The following DNER variants were observed in gnomAD, a reference collection of about 807,000 sequenced individuals.
The protein encoded by DNER is delta/notch like EGF repeat containing, also known as delta and Notch-like epidermal growth factor-related receptor.
Under a neutral mutation model 78.2 loss-of-function variants are expected in DNER, and 33 were observed. That is an observed-to-expected ratio of 0.42 (90% CI 0.32 to 0.56). DNER has a LOEUF of 0.56. Ranked by LOEUF, DNER falls within the 20% of genes least tolerant of loss-of-function variation. The probability of loss-of-function intolerance (pLI) is 0.11; values close to 1 mark genes in which losing one functional copy is unlikely to be tolerated. For missense variants in DNER, 918 were observed against 975.3 expected, an observed-to-expected ratio of 0.94 and a Z score of 0.78; for synonymous variants, 417 against 384.8, an observed-to-expected ratio of 1.08 and a Z score of -0.98.
At chr2:229,637,779 A>G (rs2154215938) in intron 1 of DNER, among the ~76,000 whole-genome samples, 2 of 152,308 alleles carry the variant, frequency 1.3e-5, no homozygotes, top group Middle Eastern at 6.8e-3. Context: ...CCACTGCTCT[A>G]AGGAAAAAGC....
At chr2:229,429,684 C>T (rs563769493) in intron 8 of DNER, among the ~76,000 whole-genome samples, 24 of 152,294 alleles carry the variant, frequency 1.6e-4, no homozygotes, top group Admixed American at 3.3e-4. Flanking sequence ...CAGCAAAGAC[C>T]GCTTACTAGA....
At chr2:229,440,117 T>G (rs1247539375) in intron 8 of DNER, among the ~76,000 whole-genome samples, 1 of 152,176 alleles carries the variant, frequency 6.6e-6, no homozygotes, top group Non-Finnish European at 1.5e-5. Context: ...ATCAGGAATC[T>G]CATAAAAATT....
chr2:229,528,657 C>T (rs187219937), intron 5 of DNER, among the ~76,000 whole-genome samples: 3 of 152,152 alleles, frequency 2.0e-5, no homozygotes, highest in Admixed American at 6.6e-5. Context: ...TATGGAAGCC[C>T]ATGCTGACAT....
At chr2:229,398,217 T>C (rs955538108) in intron 10 of DNER, among the ~76,000 whole-genome samples, 1 of 152,096 alleles carries the variant, frequency 6.6e-6, no homozygotes, top group Non-Finnish European at 1.5e-5. Context: ...GTCAAAAGGA[T>C]AACAGAAATA....
chr2:229,699,965 G>T (rs918946615), intron 1 of DNER, among the ~76,000 whole-genome samples: 1 of 151,860 alleles, frequency 6.6e-6, no homozygotes, highest in Non-Finnish European at 1.5e-5. Flanking sequence ...AAAGGACAAA[G>T]GGCGAATTTA....
chr2:229,589,021 G>A lies in DNER; in HGVS notation c.586-533C>T, dbSNP rs140996756. 1.0e-3 allele frequency among the ~76,000 whole-genome samples: 156 copies of A among 152,296 alleles called. 1 individual carries two copies. Among genetic ancestry groups the A allele is most frequent in the African/African-American group, 3.4e-3 (143 of 41,560 alleles). On this transcript the variant is annotated intron_variant, in intron 2 of 12. Transcript: ENST00000341772. ...TTGAACGCTGCCTTTCTTTTTCCTT[G>A]TAGGCTATACCTTCGCTTTTAAATT... is the stretch of plus-strand genomic sequence containing the variant.
Position 229,606,035 on chromosome 2 carries a change from T to A in DNER, c.277-14147A>T, listed in dbSNP as rs531807621. ...AGGCCCTTCTCCGGTGGAAAAAAAA[T>A]TAGATAAAATTAAAAATGCTTTCAT... On this transcript the variant is annotated intron_variant, in intron 1 of 12. Coordinates refer to ENST00000341772, the MANE Select transcript of DNER (RefSeq NM_139072.4). Among the ~76,000 whole-genome samples, 22 of 152,098 alleles carry A rather than the reference T, an allele frequency of 1.4e-4. No homozygotes were observed. In the South Asian group the frequency reaches 3.7e-3, roughly 26 times the overall value.
intron 5 of DNER, among the ~76,000 whole-genome samples, chr2:229,513,809 G>A (rs950392210): frequency 6.6e-6 from 1 of 152,060 alleles, no homozygotes; most frequent in East Asian, 1.9e-4. Flanking sequence ...AAAGCCCCTT[G>A]CCCAGCTCAT....
At chr2:229,476,458 A>G (rs535112813) in intron 7 of DNER, among the ~76,000 whole-genome samples, 1 of 152,172 alleles carries the variant, frequency 6.6e-6, no homozygotes, top group African/African-American at 2.4e-5. Flanking sequence ...ATGTGACTCT[A>G]TGTAGTTGTC....
At chr2:229,383,030 C>A (rs1692779845) in intron 11 of DNER, among the ~76,000 whole-genome samples, 1 of 152,118 alleles carries the variant, frequency 6.6e-6, no homozygotes, top group South Asian at 2.1e-4. Flanking sequence ...GGGTTACCCA[C>A]AAAAGGAAGC....
chr2:229,615,922 G>A (rs192558437), intron 1 of DNER, among the ~76,000 whole-genome samples: 95 of 152,298 alleles, frequency 6.2e-4, no homozygotes, highest in Non-Finnish European at 1.1e-3. Flanking sequence ...CCTGCATGTA[G>A]GAATCTGAAT....
chr2:229,456,054 C>G (rs1300751441), intron 7 of DNER, among the ~76,000 whole-genome samples: 2 of 151,978 alleles, frequency 1.3e-5, no homozygotes, highest in Non-Finnish European at 2.9e-5. Flanking sequence ...CAAAGGGATA[C>G]CTGAGACTGG....
intron 7 of DNER, among the ~76,000 whole-genome samples, chr2:229,468,304 A>G (rs1020432854): frequency 1.6e-4 from 24 of 152,344 alleles, no homozygotes; most frequent in African/African-American, 5.3e-4. Flanking sequence ...CAAATTAGCT[A>G]CAAGATTAGA....
intron 4 of DNER, among the ~76,000 whole-genome samples, chr2:229,576,775 A>T (rs1697309937): frequency 6.6e-6 from 1 of 152,128 alleles, no homozygotes; most frequent in Non-Finnish European, 1.5e-5. Flanking sequence ...GAAGGGAATC[A>T]GAGTGGAGAG....
At chr2:229,554,230 T>C (rs1559165191) in intron 4 of DNER, among the ~76,000 whole-genome samples, 1 of 152,144 alleles carries the variant, frequency 6.6e-6, no homozygotes. Context: ...AGAATGTTTT[T>C]AACAGGCAGA....
chr2:229,564,424 C>T (rs1443648333), intron 4 of DNER, among the ~76,000 whole-genome samples: 1 of 149,286 alleles, frequency 6.7e-6, no homozygotes, highest in Non-Finnish European at 1.5e-5. Flanking sequence ...ACACCATCAC[C>T]ATCATCATCA....
chr2:229,670,736 G>C (rs1028046901), intron 1 of DNER, among the ~76,000 whole-genome samples: 16 of 152,190 alleles, frequency 1.1e-4, no homozygotes, highest in Non-Finnish European at 2.1e-4. Context: ...TGGAAATGTT[G>C]TATCCCACTC....
chr2:229,642,646 C>A (rs1698647243), intron 1 of DNER, among the ~76,000 whole-genome samples: 1 of 152,176 alleles, frequency 6.6e-6, no homozygotes, highest in African/African-American at 2.4e-5. Flanking sequence ...TGAGCCACTG[C>A]CCTTCCTGTA....
intron 6 of DNER, among the ~76,000 whole-genome samples, chr2:229,505,177 A>AGTGTGT (rs144321798): frequency 0.18 from 22,597 of 126,300 alleles, 2,181 homozygotes; most frequent in Admixed American, 0.23. Flanking sequence ...GTGTTGCTGC[A>AGTGTGT]GTGTGTGTGT....
Sources: gnomAD v4.1 joint callset for allele counts (sites outside exome capture counted in the v4.1 genomes callset) on GRCh38, gnomAD v4.1.1 for gene constraint, MANE v1.5 for transcripts, NCBI Gene and HGNC (gene_info 2026-07-23, HGNC 2026-07-21) for gene names.